Variants in TTLL5 observed in about 807,000 individuals in gnomAD.
The protein encoded by TTLL5 is tubulin polyglutamylase TTLL5.
In TTLL5, 132 loss-of-function variants were observed where a neutral mutation model predicts 168.4. The ratio of observed to expected loss-of-function variants is 0.78; its 90% CI spans 0.68 to 0.91. The LOEUF (loss-of-function observed/expected upper bound fraction) is 0.91, where lower values mean the gene tolerates loss of function less well. Among genes scored for constraint, TTLL5 ranks in the 40% least tolerant of loss-of-function variants. TTLL5 has a pLI of 0.00. For missense variants in TTLL5, 1,545 were observed against 1,581.5 expected (o/e 0.98, Z 0.39); for synonymous variants, 546 against 558.6 (o/e 0.98, Z 0.32).
At chr14:75,782,445 AT>A (rs752037114) in intron 24 of TTLL5, 41 bp from the exon 25 acceptor site, 1 of 1,511,542 alleles carries the variant, frequency 6.6e-7, no homozygotes, top group Non-Finnish European at 9.1e-7. Context: ...CGGACTTGCA[AT>A]TGATTATAAG....
chr14:75,703,904 A>G (rs544162997), intron 7 of TTLL5, among the ~76,000 whole-genome samples: 1 of 152,316 alleles, frequency 6.6e-6, no homozygotes, highest in South Asian at 2.1e-4. Context: ...CAATTTTCAT[A>G]ATAGTACCAC....
chr14:75,876,403 G>T (rs1237560679), intron 29 of TTLL5, among the ~76,000 whole-genome samples: 4 of 152,174 alleles, frequency 2.6e-5, no homozygotes, highest in African/African-American at 9.7e-5. Context: ...AAATTTTTCT[G>T]TCCAGGTAAG....
intron 28 of TTLL5, among the ~76,000 whole-genome samples, chr14:75,837,855 A>G (rs1409839373): frequency 1.3e-5 from 2 of 152,022 alleles, no homozygotes; most frequent in African/African-American, 4.8e-5. Flanking sequence ...GTGTGTGTGT[A>G]TGGGAGTGTG....
intron 29 of TTLL5, among the ~76,000 whole-genome samples, chr14:75,866,256 A>G (rs2030508092): frequency 6.6e-6 from 1 of 152,130 alleles, no homozygotes; most frequent in African/African-American, 2.4e-5. Context: ...TATAATTATC[A>G]CTAAATTGTT....
rs140844362 is a variant in TTLL5, at chr14:75,693,569, C to A, written c.502+3247C>A. 5.1e-3 allele frequency among the ~76,000 whole-genome samples: 781 copies of A among 152,342 alleles called. 6 individuals are homozygous for A. The highest frequency in any genetic ancestry group is 0.015 in the African/African-American group (619 of 41,580). On this transcript the variant is annotated intron_variant, in intron 6 of 31. Transcript: ENST00000298832. ...ACTGGTCTATCTAGGCTCCTGCCAT[C>A]ACTGCCAGTTACAGTATTTAGTAGA...
chr14:75,707,568 A>T, intron 8 of TTLL5, 55 bp from the exon 9 acceptor site: 1 of 1,519,364 alleles, frequency 6.6e-7, no homozygotes, highest in Non-Finnish European at 9.0e-7. Context: ...TTATTCTGTA[A>T]CAGGAAACAA....
chr14:75,817,497 A>G (rs1894499669), intron 27 of TTLL5, among the ~76,000 whole-genome samples: 1 of 152,228 alleles, frequency 6.6e-6, no homozygotes, highest in African/African-American at 2.4e-5. Flanking sequence ...GTAAAGACAC[A>G]GTCCTGAGTT....
intron 12 of TTLL5, among the ~76,000 whole-genome samples, chr14:75,722,378 T>G (rs766298027): frequency 2.0e-5 from 3 of 152,152 alleles, no homozygotes; most frequent in Non-Finnish European, 4.4e-5. Flanking sequence ...CTCGAGTAGT[T>G]GGGACTATAG....
At chr14:75,797,333 A>G (rs1361203615) in intron 27 of TTLL5, among the ~76,000 whole-genome samples, 2 of 151,844 alleles carry the variant, frequency 1.3e-5, no homozygotes, top group African/African-American at 2.4e-5. Flanking sequence ...GTGAACCTTT[A>G]TGGTTTTCTA....
intron 26 of TTLL5, among the ~76,000 whole-genome samples, chr14:75,787,105 C>T (rs567138345): frequency 1.3e-5 from 2 of 152,058 alleles, no homozygotes; most frequent in African/African-American, 4.8e-5. Flanking sequence ...TGCACTCCAG[C>T]CTGGGCACAG....
intron 28 of TTLL5, among the ~76,000 whole-genome samples, chr14:75,843,080 C>G (rs1045528826): frequency 2.8e-4 from 42 of 152,180 alleles, no homozygotes; most frequent in Non-Finnish European, 1.8e-4. Context: ...CCTGACCAGT[C>G]CAGGATATTT....
chr14:75,847,945 T>C (rs1021152780), intron 28 of TTLL5, among the ~76,000 whole-genome samples: 2 of 146,796 alleles, frequency 1.4e-5, no homozygotes, highest in African/African-American at 5.0e-5. Context: ...ATTATAAGTA[T>C]ACATTTTCTT....
chr14:75,793,946 A>C (rs528428825), intron 27 of TTLL5, among the ~76,000 whole-genome samples: 49 of 152,304 alleles, frequency 3.2e-4, no homozygotes, highest in African/African-American at 1.1e-3. Context: ...TGTAGTGATA[A>C]TCAAGTCTCG....
intron 15 of TTLL5, among the ~76,000 whole-genome samples, chr14:75,739,665 A>G (rs963111172): frequency 6.6e-6 from 1 of 152,202 alleles, no homozygotes. Flanking sequence ...AGCTCTGCCA[A>G]AAACTAGCAA....
intron 27 of TTLL5, among the ~76,000 whole-genome samples, chr14:75,803,738 T>A (rs934619941): frequency 6.6e-6 from 1 of 152,202 alleles, no homozygotes; most frequent in African/African-American, 2.4e-5. Context: ...AATAGGGTAC[T>A]GAGCTTCCGT....
chr14:75,745,264 T>TAGTG (rs1889532735), intron 16 of TTLL5, 56 bp downstream of exon 16: 2 of 1,504,214 alleles, frequency 1.3e-6, no homozygotes, highest in East Asian at 4.6e-5. Flanking sequence ...TAGTGAAAAT[T>TAGTG]AGTGAGTGAT....
chr14:75,673,455 T>C (rs986491999), intron 3 of TTLL5, among the ~76,000 whole-genome samples: 1 of 152,222 alleles, frequency 6.6e-6, no homozygotes, highest in Non-Finnish European at 1.5e-5. Context: ...GGAAAGAGTG[T>C]ACACTTGGGT....
intron 9 of TTLL5, among the ~76,000 whole-genome samples, chr14:75,707,987 A>G (rs537341472): frequency 6.6e-6 from 1 of 152,352 alleles, no homozygotes; most frequent in South Asian, 2.1e-4. Context: ...CCAGGATCAT[A>G]TGGTATTTTC....
chr14:75,759,202 A>T (rs576597651), intron 18 of TTLL5, among the ~76,000 whole-genome samples: 1 of 152,312 alleles, frequency 6.6e-6, no homozygotes, highest in South Asian at 2.1e-4. Flanking sequence ...CATAAAGTGG[A>T]TGCTAAGGTG....
Sources: allele counts gnomAD v4.1 joint callset (sites outside exome capture counted in the v4.1 genomes callset), GRCh38; gene constraint gnomAD v4.1.1; transcripts MANE v1.5; gene names NCBI Gene and HGNC (gene_info 2026-07-23, HGNC 2026-07-21).